CNTN4: variants seen among roughly 807,000 people sequenced by gnomAD.
CNTN4 encodes contactin 4.
A neutral mutation model predicts 122.5 loss-of-function variants in CNTN4; 77 were observed. The ratio of observed to expected loss-of-function variants is 0.63; its 90% CI spans 0.52 to 0.76. CNTN4 has a LOEUF of 0.76. CNTN4 is among the 30% of genes least tolerant of loss of function. The pLI, the probability that CNTN4 is intolerant of heterozygous loss-of-function variation, is 0.00. For missense variants in CNTN4, 1,256 were observed against 1,259.1 expected (o/e 1.00, Z 0.04); for synonymous variants, 512 against 447.0 (o/e 1.15, Z -1.83).
At chr3:2,806,111 C>T (rs920173057) in intron 6 of CNTN4, among the ~76,000 whole-genome samples, 12 of 152,108 alleles carry the variant, frequency 7.9e-5, no homozygotes, top group African/African-American at 2.7e-4. Flanking sequence ...CCTTGTTAGC[C>T]AGGATGGTGT....
intron 3 of CNTN4, among the ~76,000 whole-genome samples, chr3:2,429,405 A>G (rs1266811609): frequency 6.6e-6 from 1 of 152,200 alleles, no homozygotes; most frequent in Non-Finnish European, 1.5e-5. Context: ...CAAATACTGC[A>G]GAACAGCAAA....
chr3:2,338,276 T>C (rs2044039722), intron 2 of CNTN4, among the ~76,000 whole-genome samples: 1 of 151,932 alleles, frequency 6.6e-6, no homozygotes, highest in Non-Finnish European at 1.5e-5. Flanking sequence ...AGAGATGAAT[T>C]ATTTTGCAAT....
intron 3 of CNTN4, among the ~76,000 whole-genome samples, chr3:2,527,622 T>C (rs2077446511): frequency 6.6e-6 from 1 of 152,196 alleles, no homozygotes; most frequent in Non-Finnish European, 1.5e-5. Flanking sequence ...GCACCTTCTT[T>C]ACATAATAGC....
chr3:2,932,444 CT>C (rs1396603808), intron 13 of CNTN4, among the ~76,000 whole-genome samples: 1 of 152,098 alleles, frequency 6.6e-6, no homozygotes, highest in African/African-American at 2.4e-5. Context: ...GATAAAAATT[CT>C]GATATGGGCC....
chr3:2,537,186 C>G (rs141038642), intron 3 of CNTN4, among the ~76,000 whole-genome samples: 63 of 152,166 alleles, frequency 4.1e-4, no homozygotes, highest in African/African-American at 1.4e-3. Flanking sequence ...TTTTCATACA[C>G]TATATTTGTA....
intron 3 of CNTN4, among the ~76,000 whole-genome samples, chr3:2,536,195 A>G (rs904908235): frequency 1.1e-4 from 16 of 152,188 alleles, no homozygotes; most frequent in East Asian, 1.9e-4. Flanking sequence ...TGACGTTTAT[A>G]TATCTGGGAA....
intron 2 of CNTN4, among the ~76,000 whole-genome samples, chr3:2,287,684 A>G (rs866374627): frequency 8.3e-4 from 75 of 90,888 alleles, no homozygotes; most frequent in Middle Eastern, 5.6e-3. Context: ...AAGAAGAAGA[A>G]GAAGAAGAGG....
intron 3 of CNTN4, among the ~76,000 whole-genome samples, chr3:2,369,015 C>G (rs2045526378): frequency 6.6e-6 from 1 of 152,092 alleles, no homozygotes; most frequent in South Asian, 2.1e-4. Context: ...ACCTCCGCCT[C>G]CCAGGTTCAA....
At chr3:2,267,209 T>A (rs75787223) in intron 2 of CNTN4, among the ~76,000 whole-genome samples, 5,713 of 152,226 alleles carry the variant, frequency 0.038, 143 homozygotes, top group Middle Eastern at 0.058. Flanking sequence ...AACTATTTCC[T>A]AAGATGATAC....
chr3:2,288,996 C>A (rs938048123), intron 2 of CNTN4, among the ~76,000 whole-genome samples: 1 of 152,030 alleles, frequency 6.6e-6, no homozygotes, highest in Non-Finnish European at 1.5e-5. Flanking sequence ...ATCTTAAGGT[C>A]TGAAAGGCCT....
chr3:2,629,236 G>T (rs915096469), intron 4 of CNTN4, among the ~76,000 whole-genome samples: 2 of 152,118 alleles, frequency 1.3e-5, no homozygotes, highest in Non-Finnish European at 2.9e-5. Flanking sequence ...CAAAGAGAAG[G>T]TGGCCATCTG....
chr3:2,659,054 A>G (rs2083743548), intron 4 of CNTN4, among the ~76,000 whole-genome samples: 2 of 152,048 alleles, frequency 1.3e-5, no homozygotes, highest in African/African-American at 4.8e-5. Context: ...TATTTGGTTT[A>G]AAAATACAGT....
In CNTN4 at chr3:2,341,816, C is replaced by A. The variant is rs1016063805; in HGVS notation, c.-89+2583C>A. Among the ~76,000 whole-genome samples the A allele has an allele frequency of 3.3e-5, 5 of 152,144 alleles. No individual in the cohort carries two copies. The South Asian group carries it at 8.3e-4, about 25-fold the overall frequency. ...TTTACATAAAATGATTTTTTAAATT[C>A]TCCTAAAAGAAATCATAATAACTTT... On this transcript the variant is annotated intron_variant, in intron 3 of 24. Coordinates refer to ENST00000418658, the MANE Select transcript of CNTN4 (RefSeq NM_175607.3).
rs550377699 is a variant in CNTN4 at position 2,159,421 on chromosome 3, A to T, written c.-145+58782A>T. Among the ~76,000 whole-genome samples the T allele has an allele frequency of 3.7e-4, 56 of 152,322 alleles. No individual in the cohort carries two copies. The South Asian group carries it at 4.3e-3, about 12-fold the overall frequency. On this transcript the variant is annotated intron_variant, in intron 2 of 24. Coordinates refer to ENST00000418658, the MANE Select transcript of CNTN4 (RefSeq NM_175607.3). ...CTGACCTATATCGGGTTCTTTTTCA[A>T]GCTTTTCAAAAGGTGACACAAAAGC...
At chr3:2,756,575 C>T (rs2090348659) in intron 6 of CNTN4, among the ~76,000 whole-genome samples, 1 of 152,224 alleles carries the variant, frequency 6.6e-6, no homozygotes, top group Non-Finnish European at 1.5e-5. Context: ...TACCTGGAAA[C>T]TGTGAAAGTG....
chr3:2,476,356 T>C (rs572982441), intron 3 of CNTN4, among the ~76,000 whole-genome samples: 1 of 152,308 alleles, frequency 6.6e-6, no homozygotes, highest in East Asian at 1.9e-4. Flanking sequence ...TCTCTAAAAG[T>C]TTCACATTCT....
chr3:2,370,422 A>G (rs1354309709), intron 3 of CNTN4, among the ~76,000 whole-genome samples: 1 of 152,162 alleles, frequency 6.6e-6, no homozygotes, highest in African/African-American at 2.4e-5. Flanking sequence ...GTTAGAGTGT[A>G]CCAGAGTACC....
rs369705664 is a variant in CNTN4, at chr3:3,035,941, AC to A, written c.1942+1152del. Among the ~76,000 whole-genome samples, 629 of 151,524 alleles carry A rather than the reference AC, an allele frequency of 4.2e-3. 3 individuals carry two copies. Among genetic ancestry groups the A allele is most frequent in the African/African-American group, 0.014 (558 of 41,238 alleles). On this transcript the variant is annotated intron_variant, in intron 17 of 24. Coordinates refer to ENST00000418658, the MANE Select transcript of CNTN4 (RefSeq NM_175607.3). ...TTACAAATTCTTAAAAAAAAAAAAA[AC>A]ATTGTTAGCAGCAACACTTCCATCC...
At chr3:2,543,709 A>C (rs1490931045) in intron 3 of CNTN4, among the ~76,000 whole-genome samples, 1 of 152,146 alleles carries the variant, frequency 6.6e-6, no homozygotes, top group Non-Finnish European at 1.5e-5. Context: ...AGACAAAGAA[A>C]ACCCTTTGCT....
Sources: gnomAD v4.1 joint callset for allele counts (sites outside exome capture counted in the v4.1 genomes callset) on GRCh38, gnomAD v4.1.1 for gene constraint, MANE v1.5 for transcripts, NCBI Gene and HGNC (gene_info 2026-07-23, HGNC 2026-07-21) for gene names.